MYO16: variants seen among roughly 807,000 people sequenced by gnomAD.
The protein encoded by MYO16 is unconventional myosin-XVI.
In MYO16, 94 loss-of-function variants were observed where a neutral mutation model predicts 205.3. That is an observed-to-expected ratio of 0.46 (90% CI 0.39 to 0.54). The LOEUF (loss-of-function observed/expected upper bound fraction) is 0.54. Ranked by LOEUF, MYO16 falls within the 20% of genes least tolerant of loss-of-function variation. The probability of loss-of-function intolerance (pLI) is 0.00; values close to 1 mark genes in which losing one functional copy is unlikely to be tolerated. For missense variants in MYO16, 2,315 were observed against 2,387.5 expected (o/e 0.97, Z 0.63); for synonymous variants, 988 against 954.0 (o/e 1.04, Z -0.66).
intron 20 of MYO16, among the ~76,000 whole-genome samples, chr13:108,985,160 A>T (rs145079353): frequency 1.3e-5 from 2 of 152,350 alleles, no homozygotes; most frequent in African/African-American, 4.8e-5. Flanking sequence ...ATGCAGAATA[A>T]TAGAGTTGGT....
At chr13:108,650,407 A>T (rs1880946182) in intron 1 of MYO16, among the ~76,000 whole-genome samples, 1 of 152,186 alleles carries the variant, frequency 6.6e-6, no homozygotes, top group Admixed American at 6.5e-5. Context: ...TTTCTATAGG[A>T]GGGAATCCTG....
Position 109,207,057 on chromosome 13 carries a change from T to C in MYO16, c.*221T>C. ...TTATCCATCTCGTGGTGATACACTC[T>C]GATTTTCAAGCTCCTCATTTACGGC... On this transcript the variant is annotated 3_prime_UTR_variant, in exon 35 of 35. Coordinates refer to ENST00000457511, the MANE Select transcript of MYO16 (RefSeq NM_001198950.3). 1.9e-6 allele frequency: 1 copy of C among 525,260 alleles called. No individual in the cohort carries two copies. The highest frequency in any genetic ancestry group is 3.3e-5 in the East Asian group (1 of 30,098). 32.5% of individuals were successfully genotyped at this position (525,260 alleles called of 1,614,324 possible).
intron 23 of MYO16, among the ~76,000 whole-genome samples, chr13:109,038,453 T>G (rs1026239619): frequency 6.6e-6 from 1 of 152,064 alleles, no homozygotes. Context: ...ACTCCTGGAT[T>G]TCGGGCCCTC....
chr13:108,726,302 T>C (rs996510081), intron 3 of MYO16, among the ~76,000 whole-genome samples: 1 of 152,204 alleles, frequency 6.6e-6, no homozygotes, highest in Admixed American at 6.5e-5. Flanking sequence ...GGTTCTCGCC[T>C]GTAATCCCAG....
chr13:108,771,769 T>A (rs1885973424), intron 4 of MYO16, among the ~76,000 whole-genome samples: 1 of 128,980 alleles, frequency 7.8e-6, no homozygotes, highest in Non-Finnish European at 1.9e-5. Context: ...TCAGACTGGC[T>A]TTTTTTTCAC....
Position 109,033,023 on chromosome 13 carries a change from G to A in MYO16, c.2796+13112G>A, listed in dbSNP as rs1566472991. On this transcript the variant is annotated intron_variant, in intron 23 of 34. Transcript: ENST00000457511. ...TAGCTAGGTAAGAGTAATAGGGAAG[G>A]AAAATTAAGGCGTATTTATAAGAGA... Among the ~76,000 whole-genome samples the A allele has an allele frequency of 2.0e-5, 3 of 152,100 alleles. No homozygotes were observed. The South Asian group carries it at 6.2e-4, about 32-fold the overall frequency.
chr13:108,965,603 TC>T (rs1227372104), intron 20 of MYO16, among the ~76,000 whole-genome samples: 3 of 151,910 alleles, frequency 2.0e-5, no homozygotes, highest in African/African-American at 7.2e-5. Flanking sequence ...ATGGGGTTTC[TC>T]CATGTTGGTC....
intron 14 of MYO16, among the ~76,000 whole-genome samples, chr13:108,890,107 T>G (rs1880096074): frequency 7.1e-6 from 1 of 139,964 alleles, no homozygotes; most frequent in South Asian, 2.4e-4. Context: ...TTTTTGTATT[T>G]TTTTTTTTTT....
rs1886071231 is a variant in MYO16 at position 109,022,323 on chromosome 13, AAATATATATTTATATATTATATAC to A, written c.2796+2415_2796+2438del. Among the ~76,000 whole-genome samples the A allele has an allele frequency of 1.6e-4, 20 of 122,778 alleles. No individual in the cohort carries two copies. The Admixed American group carries it at 1.8e-3, about 11-fold the overall frequency. 80.5% of individuals were successfully genotyped at this position (122,778 alleles called of 152,430 possible). ...AAATATATATTTATATATTATATAC[AAATATATATTTATATATTATATAC>A]AAATATATATGTATATATGTATGTA... On this transcript the variant is annotated intron_variant, in intron 23 of 34. Coordinates refer to ENST00000457511, the MANE Select transcript of MYO16 (RefSeq NM_001198950.3).
At chr13:109,032,299 C>A (rs1323196423) in intron 23 of MYO16, among the ~76,000 whole-genome samples, 1 of 152,206 alleles carries the variant, frequency 6.6e-6, no homozygotes, top group Non-Finnish European at 1.5e-5. Context: ...TCAAAACCTC[C>A]ATCTGTGGTG....
chr13:108,873,090 G>A (rs981310773), intron 12 of MYO16, among the ~76,000 whole-genome samples: 4 of 152,052 alleles, frequency 2.6e-5, no homozygotes, highest in Non-Finnish European at 5.9e-5. Flanking sequence ...AAACGATCTT[G>A]TTGTCCTCAG....
chr13:108,930,889 A>G (rs1445426732), intron 16 of MYO16, among the ~76,000 whole-genome samples: 2 of 152,258 alleles, frequency 1.3e-5, no homozygotes, highest in Non-Finnish European at 2.9e-5. Flanking sequence ...CATATGCAAA[A>G]TTGAAAATAT....
At chr13:108,530,873 T>A in the MYO16 span, among the ~76,000 whole-genome samples, 4 of 152,240 alleles carry the variant, frequency 2.6e-5, no homozygotes, top group Admixed American at 6.5e-5. Context: ...CATGATGCTA[T>A]CAACTCTATC....
intron 2 of MYO16, among the ~76,000 whole-genome samples, chr13:108,698,123 G>A (rs577327684): frequency 6.6e-6 from 1 of 152,244 alleles, no homozygotes; most frequent in East Asian, 1.9e-4. Context: ...TCCATGTCCA[G>A]CACCGATAAT....
intron 27 of MYO16, among the ~76,000 whole-genome samples, chr13:109,065,909 T>C (rs1887733804): frequency 6.6e-6 from 1 of 152,174 alleles, no homozygotes; most frequent in African/African-American, 2.4e-5. Context: ...GGAGAACTTA[T>C]TTGGAAAAGA....
At chr13:109,201,867 G>A (rs1880407419) in intron 34 of MYO16, among the ~76,000 whole-genome samples, 1 of 151,992 alleles carries the variant, frequency 6.6e-6, no homozygotes, top group African/African-American at 2.4e-5. Context: ...TCCCATTCCT[G>A]AGTTAGTTCA....
At chr13:108,665,843 TATA>T (rs766274433) in intron 1 of MYO16, 40 bp from the exon 2 acceptor site, 6 of 1,584,400 alleles carry the variant, frequency 3.8e-6, no homozygotes, top group South Asian at 1.1e-5. Flanking sequence ...TTATAGTGGT[TATA>T]ATAATAGGTC....
chr13:109,079,862 C>G (rs1159004826), intron 27 of MYO16, among the ~76,000 whole-genome samples: 2 of 144,552 alleles, frequency 1.4e-5, no homozygotes, highest in African/African-American at 5.1e-5. Flanking sequence ...TGTTTGAACA[C>G]TTTTATTTCT....
chr13:108,608,597 A>G (rs1308111686), intron 1 of MYO16, among the ~76,000 whole-genome samples: 1 of 152,138 alleles, frequency 6.6e-6, no homozygotes, highest in Non-Finnish European at 1.5e-5. Context: ...ACACATACAT[A>G]AATACATATA....
Sources: gnomAD v4.1 joint callset for allele counts (sites outside exome capture counted in the v4.1 genomes callset) on GRCh38, gnomAD v4.1.1 for gene constraint, MANE v1.5 for transcripts, NCBI Gene and HGNC (gene_info 2026-07-23, HGNC 2026-07-21) for gene names.